Variants in EPHA4 observed in about 807,000 individuals in gnomAD.
EPHA4 encodes the protein ephrin type-A receptor 4.
A neutral mutation model predicts 108.3 loss-of-function variants in EPHA4; 19 were observed. That is an observed-to-expected ratio of 0.18 (90% CI 0.12 to 0.26). EPHA4 has a LOEUF of 0.26. Among genes scored for constraint, EPHA4 ranks in the 10% least tolerant of loss-of-function variants. The pLI, the probability that EPHA4 is intolerant of heterozygous loss-of-function variation, is 1.00. For missense variants in EPHA4, 917 were observed against 1,254.0 expected (o/e 0.73, Z 4.06); for synonymous variants, 449 against 455.5 (o/e 0.99, Z 0.18).
chr2:221,460,489 G>C (rs1256841793), intron 5 of EPHA4, among the ~76,000 whole-genome samples: 1 of 152,132 alleles, frequency 6.6e-6, no homozygotes, highest in Non-Finnish European at 1.5e-5. Context: ...CATGTTATCA[G>C]GGCACAATGA....
At position 221,426,049 on chromosome 2, in the gene EPHA4, G is replaced by T. The variant is rs373468133; in HGVS notation, c.2940C>A (p.His980Gln). The stretch of plus-strand genomic sequence containing the variant: ...TGGCTCAGACGGGAACCATTCTGCC[G>T]TGCATCTGCTGCATTTGGGTTCGCA... ...QAMRTQMQQM[H>Q]GRMVPV Residue 980 changes from histidine (H) to glutamine (Q), a missense_variant, in exon 17 of 18, where the codon CAC becomes CAA. His to Gln is a conservative substitution (Grantham distance 24). Transcript: ENST00000281821. The T allele has an allele frequency of 1.9e-6, 3 of 1,614,018 alleles. No homozygotes were observed. The highest frequency in any genetic ancestry group is 2.7e-5 in the African/African-American group (2 of 74,994).
chr2:221,451,032 G>A (rs1223660326), intron 8 of EPHA4, among the ~76,000 whole-genome samples: 1 of 152,172 alleles, frequency 6.6e-6, no homozygotes, highest in Non-Finnish European at 1.5e-5. Flanking sequence ...TGGCCAACAT[G>A]GTGAAACCCT....
At chr2:221,561,608 G>A (rs1694467840) in intron 3 of EPHA4, among the ~76,000 whole-genome samples, 2 of 152,188 alleles carry the variant, frequency 1.3e-5, no homozygotes, top group African/African-American at 2.4e-5. Context: ...TCCCCTTCGA[G>A]GACGCACGTG....
intron 3 of EPHA4, among the ~76,000 whole-genome samples, chr2:221,542,133 G>T (rs563667518): frequency 8.5e-5 from 13 of 152,308 alleles, no homozygotes; most frequent in African/African-American, 3.1e-4. Context: ...AGGCAGGAGA[G>T]AAGGGAGAGG....
At chr2:221,539,396 C>T (rs939768706) in intron 3 of EPHA4, among the ~76,000 whole-genome samples, 3 of 152,100 alleles carry the variant, frequency 2.0e-5, no homozygotes, top group African/African-American at 7.2e-5. Flanking sequence ...GATAAGATGG[C>T]ATTACACAGC....
chr2:221,466,058 T>C (rs1691303074), intron 5 of EPHA4, among the ~76,000 whole-genome samples: 1 of 152,154 alleles, frequency 6.6e-6, no homozygotes, highest in South Asian at 2.1e-4. Flanking sequence ...GAAACTGGAA[T>C]GCGCTGCCCT....
intron 8 of EPHA4, among the ~76,000 whole-genome samples, chr2:221,446,873 C>T (rs1690609166): frequency 6.6e-6 from 1 of 152,134 alleles, no homozygotes; most frequent in African/African-American, 2.4e-5. Flanking sequence ...TTTTGCTTTG[C>T]CTAATTCACT....
intron 13 of EPHA4, among the ~76,000 whole-genome samples, chr2:221,435,024 C>G (rs900807963): frequency 3.3e-5 from 5 of 152,100 alleles, no homozygotes; most frequent in Non-Finnish European, 1.5e-5. Context: ...TATTTTCAGT[C>G]AGGTTTTCAA....
chr2:221,531,520 A>G (rs1353841712), intron 3 of EPHA4, among the ~76,000 whole-genome samples: 1 of 152,194 alleles, frequency 6.6e-6, no homozygotes, highest in Non-Finnish European at 1.5e-5. Context: ...AGTTTAATTC[A>G]AGATTGAACA....
chr2:221,545,638 C>T (rs923515340), intron 3 of EPHA4, among the ~76,000 whole-genome samples: 2 of 152,130 alleles, frequency 1.3e-5, no homozygotes, highest in African/African-American at 4.8e-5. Flanking sequence ...CAAGGATTTT[C>T]TGAAACTAAG....
intron 5 of EPHA4, among the ~76,000 whole-genome samples, chr2:221,471,997 C>T (rs1691500560): frequency 6.6e-6 from 1 of 152,136 alleles, no homozygotes; most frequent in Non-Finnish European, 1.5e-5. Flanking sequence ...TTTCCTAAAA[C>T]CACACCCTCC....
At chr2:221,451,154 C>T (rs953113170) in intron 8 of EPHA4, among the ~76,000 whole-genome samples, 1 of 152,134 alleles carries the variant, frequency 6.6e-6, no homozygotes, top group African/African-American at 2.4e-5. Flanking sequence ...GCGGAGGTCT[C>T]AGTGAGCTGA....
At chr2:221,509,954 A>AT (rs1692776484) in intron 3 of EPHA4, among the ~76,000 whole-genome samples, 1 of 152,144 alleles carries the variant, frequency 6.6e-6, no homozygotes, top group African/African-American at 2.4e-5. Context: ...CTGAACTTCA[A>AT]TTTTTTCATC....
chr2:221,538,791 A>C (rs1160260671), intron 3 of EPHA4, among the ~76,000 whole-genome samples: 1 of 152,234 alleles, frequency 6.6e-6, no homozygotes, highest in East Asian at 1.9e-4. Flanking sequence ...TGCTTCAAAA[A>C]TCAATGGGCT....
intron 3 of EPHA4, among the ~76,000 whole-genome samples, chr2:221,531,930 C>G (rs554313514): frequency 1.3e-4 from 20 of 152,180 alleles, no homozygotes; most frequent in Non-Finnish European, 2.1e-4. Context: ...GACGAAATAC[C>G]TTGTACTGAA....
intron 11 of EPHA4, among the ~76,000 whole-genome samples, chr2:221,438,616 C>T (rs796603808): frequency 9.2e-5 from 14 of 151,956 alleles, no homozygotes; most frequent in African/African-American, 3.4e-4. Flanking sequence ...GGTGAAACCT[C>T]GTGTCTACTA....
At chr2:221,564,852 T>C (rs564186657) in intron 2 of EPHA4, among the ~76,000 whole-genome samples, 9 of 136,372 alleles carry the variant, frequency 6.6e-5, no homozygotes, top group Non-Finnish European at 1.2e-4. Context: ...AGTTAATTAG[T>C]AGTGCTCCTG....
intron 5 of EPHA4, among the ~76,000 whole-genome samples, chr2:221,480,775 C>G (rs1691794748): frequency 6.6e-6 from 1 of 152,180 alleles, no homozygotes; most frequent in Non-Finnish European, 1.5e-5. Context: ...CATTCTAGCC[C>G]CTGCTCAAAA....
At position 221,443,606 on chromosome 2, in the gene EPHA4, C is replaced by T; in HGVS notation, c.1775G>A (p.Gly592Asp). Residue 592 changes from glycine to aspartate, a missense_variant and splice_region_variant, in exon 10 of 18, where the codon GGT becomes GAT. By Grantham distance (94) the Gly-to-Asp change is moderately conservative. Coordinates refer to ENST00000281821, the MANE Select transcript of EPHA4 (RefSeq NM_004438.5). The part of the protein sequence containing the change: ...EADEEKHLNQ[G>D]VRTYVDPFTY... ...AAAGGGGTCCACATATGTTCTTACA[C>T]CTGAGTGATAAACATGATAAGTTGG... is the stretch of plus-strand genomic sequence containing the variant. The T allele has an allele frequency of 1.2e-6, 2 of 1,608,682 alleles. No homozygotes were observed. The highest frequency in any genetic ancestry group is 2.2e-5 in the East Asian group (1 of 44,820).
Sources: gnomAD v4.1 joint callset for allele counts (sites outside exome capture counted in the v4.1 genomes callset) on GRCh38, gnomAD v4.1.1 for gene constraint, MANE v1.5 for transcripts, NCBI Gene and HGNC (gene_info 2026-07-23, HGNC 2026-07-21) for gene names.